Variants in GPR146 observed in about 807,000 individuals in gnomAD.
GPR146 encodes G protein-coupled receptor 146, also known as G-protein coupled receptor 146.
For synonymous variants in GPR146, 203 were observed against 104.3 expected (o/e 1.95, Z -5.77); for missense variants, 381 against 213.9 (o/e 1.78, Z -4.87).
rs538593166 is a variant in GPR146 at position 1,057,459 on chromosome 7, C to T, written c.-24-33C>T. ...TCTGGGCCAGGGCTTTGGGACGGGA[C>T]GCGAGCTGACCACCTGTTCCTTCTT... On this transcript the variant is annotated intron_variant, in intron 1 of 1. Transcript: ENST00000444847. 188 of 691,940 alleles carry T rather than the reference C, an allele frequency of 2.7e-4. 1 individual carries two copies. Among genetic ancestry groups the T allele is most frequent in the African/African-American group, 2.0e-3 (117 of 58,262 alleles). 42.9% of individuals were successfully genotyped at this position (691,940 alleles called of 1,614,324 possible). A position where few individuals can be genotyped will look rare whatever the true frequency, so the allele number is the denominator to read the frequency against.
chr7:1,048,050 C>A (rs753121765), intron 1 of GPR146, among the ~76,000 whole-genome samples: 1 of 151,906 alleles, frequency 6.6e-6, no homozygotes, highest in Non-Finnish European at 1.5e-5. Flanking sequence ...CAAAGACTGG[C>A]GGAGGGGTGT....
At position 1,047,926 on chromosome 7, in the gene GPR146, G is replaced by C. The variant is rs3735674; in HGVS notation, c.-25+3268G>C. 0.018 allele frequency among the ~76,000 whole-genome samples: 2,795 copies of C among 152,218 alleles called. 112 individuals carry two copies. The East Asian group carries it at 0.19, about 10-fold the overall frequency. On this transcript the variant is annotated intron_variant, in intron 1 of 1. Transcript: ENST00000444847. ...CGTCACTGAATACATCCCCTTCTAC[G>C]GTTTTCATCCAACAGTCAGCCAGGC...
At chr7:1,049,130 T>G (rs1256775862) in intron 1 of GPR146, among the ~76,000 whole-genome samples, 4 of 150,742 alleles carry the variant, frequency 2.7e-5, no homozygotes, top group Non-Finnish European at 5.9e-5. Context: ...GGGGGCTGCC[T>G]CCTCCTCCAC....
chr7:1,057,633 G>C lies in GPR146; in HGVS notation c.118G>C (p.Val40Leu). ...SLLGLVVGVP[V>L]GLCYNALLVL... ...GCTGGGCCTGGTGGTGGGCGTGCCAGTGGGCCTGTGCTACAACGCCCTGCT... is the reference window on the plus strand; with the variant it reads ...GCTGGGCCTGGTGGTGGGCGTGCCACTGGGCCTGTGCTACAACGCCCTGCT... Residue 40 changes from valine (V) to leucine (L), a missense_variant, in exon 2 of 2, where the codon GTG becomes CTG. Physicochemically the swap from Val to Leu is conservative, Grantham distance 32. Transcript: ENST00000444847. 1 of 770,326 alleles carries C rather than the reference G, an allele frequency of 1.3e-6. No homozygotes were observed. Among genetic ancestry groups the C allele is most frequent in the Non-Finnish European group, 2.4e-6 (1 of 415,674 alleles). 47.7% of individuals were successfully genotyped at this position (770,326 alleles called of 1,614,324 possible).
Position 1,057,779 on chromosome 7 carries a change from G to A in GPR146, c.264G>A (p.Pro88=), listed in dbSNP as rs1035996444. The A allele has an allele frequency of 7.7e-6, 6 of 775,876 alleles. No homozygotes were observed. Among genetic ancestry groups the A allele is most frequent in the African/African-American group, 1.7e-5 (1 of 59,144 alleles). 48.1% of individuals were successfully genotyped at this position (775,876 alleles called of 1,614,324 possible). A position where few individuals can be genotyped will look rare whatever the true frequency, so the allele number is the denominator to read the frequency against. Residue 88 remains proline (P), a synonymous_variant, in exon 2 of 2, where the codon CCG becomes CCA. Transcript: ENST00000444847. The part of the protein sequence containing the change: ...ALAPVHLLGP[P]SSRWALWSVG... ...CCCCTGTGCACCTGCTCGGCCCCCC[G>A]AGCTCCCGGTGGGCGCTGTGGAGTG... is the stretch of plus-strand genomic sequence containing the variant.
chr7:1,054,278 G>A (rs530150643), intron 1 of GPR146, among the ~76,000 whole-genome samples: 57 of 152,346 alleles, frequency 3.7e-4, no homozygotes, highest in Non-Finnish European at 7.6e-4. Flanking sequence ...GGCTCGGCTT[G>A]TAACCTTCAC....
chr7:1,058,077 G>A lies in GPR146; in HGVS notation c.562G>A (p.Asp188Asn), dbSNP rs376666032. 6.6e-5 allele frequency: 51 copies of A among 767,080 alleles called. No individual in the cohort carries two copies. Among genetic ancestry groups the A allele is most frequent in the Admixed American group, 3.2e-4 (19 of 59,008 alleles). 47.5% of individuals were successfully genotyped at this position (767,080 alleles called of 1,614,324 possible). A position where few individuals can be genotyped will look rare whatever the true frequency, so the allele number is the denominator to read the frequency against. Residue 188 changes from aspartate (D) to asparagine (N), a missense_variant, in exon 2 of 2, where the codon GAC becomes AAC. Transcript: ENST00000444847. Reference sequence around the variant, plus strand: ...CAAGATGCAGAACGCAGAAGCTGCCGACGCCACGCTGGTGTTCATCGGCTA... The same window carrying A: ...CAAGATGCAGAACGCAGAAGCTGCCAACGCCACGCTGGTGTTCATCGGCTA... Reference protein sequence around the residue: ...CAKMQNAEAADATLVFIGYVV... With the variant: ...CAKMQNAEAANATLVFIGYVV...
chr7:1,047,791 G>A (rs1323496128), intron 1 of GPR146, among the ~76,000 whole-genome samples: 2 of 152,184 alleles, frequency 1.3e-5, no homozygotes, highest in African/African-American at 4.8e-5. Context: ...CAACTGTCCG[G>A]GGACAATAAG....
chr7:1,044,935 G>A (rs745518114), intron 1 of GPR146, among the ~76,000 whole-genome samples: 5 of 152,248 alleles, frequency 3.3e-5, no homozygotes, highest in Non-Finnish European at 7.3e-5. Flanking sequence ...GCGGCACAGC[G>A]CCGCCACCGG....
intron 1 of GPR146, among the ~76,000 whole-genome samples, chr7:1,053,603 G>A (rs1023770698): frequency 1.5e-4 from 23 of 152,188 alleles, no homozygotes; most frequent in African/African-American, 2.7e-4. Context: ...CGAGGTGGGC[G>A]GATCACCTGA....
intron 1 of GPR146, among the ~76,000 whole-genome samples, chr7:1,046,715 AG>A (rs148758091): frequency 0.11 from 16,281 of 152,252 alleles, 1,154 homozygotes; most frequent in Middle Eastern, 0.2. Context: ...GACAAGGTGG[AG>A]GTGGGGCAGG....
chr7:1,051,227 ACT>A (rs944415494), intron 1 of GPR146, among the ~76,000 whole-genome samples: 2 of 152,110 alleles, frequency 1.3e-5, no homozygotes, highest in African/African-American at 4.8e-5. Flanking sequence ...TCCCATGAAC[ACT>A]GTGTCCCAAC....
chr7:1,050,488 C>T (rs370535807), intron 1 of GPR146, among the ~76,000 whole-genome samples: 5 of 152,230 alleles, frequency 3.3e-5, no homozygotes, highest in African/African-American at 7.2e-5. Flanking sequence ...TTTTGGCTTT[C>T]GTTTCTCAAG....
At chr7:1,050,686 G>T (rs112801772) in intron 1 of GPR146, among the ~76,000 whole-genome samples, 2 of 152,180 alleles carry the variant, frequency 1.3e-5, no homozygotes, top group African/African-American at 4.8e-5. Context: ...AATCGCAGTC[G>T]GAGCCCAGCA....
chr7:1,057,772 G>GC lies in GPR146; in HGVS notation c.263dup (p.Ser89GlufsTer348), dbSNP rs757419572. ...GCCCTGGCCCCTGTGCACCTGCTCGGCCCCCCGAGCTCCCGGTGGGCGCTG... is the reference window on the plus strand; with the variant it reads ...GCCCTGGCCCCTGTGCACCTGCTCGGCCCCCCCGAGCTCCCGGTGGGCGCTG... On this transcript the variant is annotated frameshift_variant, in exon 2 of 2. Transcript: ENST00000444847. LOFTEE classifies it low-confidence loss of function (END_TRUNC). The GC allele has an allele frequency of 3.9e-6, 3 of 775,590 alleles. No individual in the cohort carries two copies. The highest frequency in any genetic ancestry group is 2.4e-6 in the Non-Finnish European group (1 of 417,814). The allele number at this position is 775,590 out of a possible 1,614,324, so 48.0% of individuals were successfully genotyped here.
In GPR146 at chr7:1,044,632, C is replaced by G. The variant is rs1474419709; in HGVS notation, c.-51C>G. On this transcript the variant is annotated 5_prime_UTR_variant, in exon 1 of 2. Coordinates refer to ENST00000444847, the MANE Select transcript of GPR146 (RefSeq NM_001303473.2). ...GCCCGAGCTGCCCGCCCGGCGGCGA[C>G]TGCGCCGGCCGCCGCCCAGCAAGCC... The G allele has an allele frequency of 1.3e-5, 2 of 151,676 alleles. No individual in the cohort carries two copies. Among genetic ancestry groups the G allele is most frequent in the Non-Finnish European group, 2.9e-5 (2 of 67,866 alleles). The allele number at this position is 151,676 out of a possible 1,614,324, so 9.4% of individuals were successfully genotyped here.
chr7:1,049,811 C>T (rs1328316021), intron 1 of GPR146, among the ~76,000 whole-genome samples: 2 of 152,218 alleles, frequency 1.3e-5, no homozygotes, highest in East Asian at 3.8e-4. Context: ...AAATTTTGGG[C>T]ACCACTGTAC....
At chr7:1,046,337 G>A (rs568453846) in intron 1 of GPR146, among the ~76,000 whole-genome samples, 6 of 152,310 alleles carry the variant, frequency 3.9e-5, no homozygotes, top group East Asian at 3.9e-4. Flanking sequence ...GAACCCGGCC[G>A]ACCGTGTCAT....
rs970583839 is a variant in GPR146 at position 1,052,990 on chromosome 7, G to A, written c.-24-4502G>A. Among the ~76,000 whole-genome samples, 1 of 152,174 alleles carries A rather than the reference G, an allele frequency of 6.6e-6. No homozygotes were observed. The highest frequency in any genetic ancestry group is 6.5e-5 in the Admixed American group (1 of 15,272). On this transcript the variant is annotated intron_variant, in intron 1 of 1. Coordinates refer to ENST00000444847, the MANE Select transcript of GPR146 (RefSeq NM_001303473.2). This position sits in a 1 kb window ranked among gnomAD's most constrained non-coding sequence, Gnocchi z 4.2. ...CCAGCCTCTAAGTCTCCCATCACCT[G>A]GCTCCCCGTTCCTCTTTCCCTTGAA...
Sources: allele counts gnomAD v4.1 joint callset (sites outside exome capture counted in the v4.1 genomes callset), GRCh38; gene constraint gnomAD v4.1.1; non-coding constraint Gnocchi (gnomAD v3.1); transcripts MANE v1.5; gene names NCBI Gene and HGNC (gene_info 2026-07-23, HGNC 2026-07-21).